ADGRB3: variants seen among roughly 807,000 people sequenced by gnomAD.
ADGRB3 encodes brain-specific angiogenesis inhibitor 3.
ADGRB3 carries 37 observed loss-of-function variants against 193.4 expected under a neutral mutation model. The ratio of observed to expected loss-of-function variants is 0.19; its 90% confidence interval spans 0.15 to 0.25. The LOEUF (loss-of-function observed/expected upper bound fraction) is 0.25, where lower values mean the gene tolerates loss of function less well. Ranked by LOEUF, ADGRB3 falls within the 10% of genes least tolerant of loss-of-function variation. The pLI, the probability that ADGRB3 is intolerant of heterozygous loss-of-function variation, is 1.00. For missense variants in ADGRB3, 1,637 were observed against 1,852.9 expected, an observed-to-expected ratio of 0.88 and a Z score of 2.14; for synonymous variants, 690 against 644.2, an observed-to-expected ratio of 1.07 and a Z score of -1.08.
intron 3 of ADGRB3, among the ~76,000 whole-genome samples, chr6:68,650,503 A>C (rs1442365235): frequency 6.6e-6 from 1 of 152,156 alleles, no homozygotes; most frequent in Non-Finnish European, 1.5e-5. Flanking sequence ...AATTACTTCA[A>C]GGCTCCCATA....
chr6:69,195,153 T>A (rs1246495521), intron 17 of ADGRB3, among the ~76,000 whole-genome samples: 3 of 152,114 alleles, frequency 2.0e-5, no homozygotes, highest in Non-Finnish European at 4.4e-5. Flanking sequence ...AATATCAGAT[T>A]TGAATTCTTC....
At chr6:69,351,315 G>A (rs894922385) in intron 26 of ADGRB3, among the ~76,000 whole-genome samples, 19 of 151,124 alleles carry the variant, frequency 1.3e-4, no homozygotes, top group African/African-American at 2.9e-4. Context: ...GGCTGGTCTC[G>A]AACTCCTGAC....
chr6:68,660,461 A>G (rs969147030), intron 3 of ADGRB3, among the ~76,000 whole-genome samples: 2 of 150,950 alleles, frequency 1.3e-5, no homozygotes, highest in East Asian at 1.9e-4. Context: ...TAATCATTAT[A>G]CACACAATTA....
intron 17 of ADGRB3, among the ~76,000 whole-genome samples, chr6:69,131,656 T>C (rs1774013617): frequency 6.6e-6 from 1 of 152,100 alleles, no homozygotes; most frequent in Admixed American, 6.6e-5. Context: ...CTTTAAGTTC[T>C]GGGATACATG....
Position 68,639,711 on chromosome 6 carries a change from G to C in ADGRB3, c.757+279G>C, listed in dbSNP as rs375440091. 3.3e-5 allele frequency among the ~76,000 whole-genome samples: 5 copies of C among 152,258 alleles called. No homozygotes were observed. The East Asian group carries it at 5.8e-4, about 18-fold the overall frequency. Reference sequence around the variant, plus strand: ...AGAAACCTAGAGCCAGCATGCACTAGAGATTGGTGAGGAGGGAGAGGGGTT... The same window carrying C: ...AGAAACCTAGAGCCAGCATGCACTACAGATTGGTGAGGAGGGAGAGGGGTT... On this transcript the variant is annotated intron_variant, in intron 3 of 31. Transcript: ENST00000370598.
intron 11 of ADGRB3, among the ~76,000 whole-genome samples, chr6:69,011,188 G>A (rs1562120960): frequency 6.7e-6 from 1 of 149,528 alleles, no homozygotes; most frequent in Admixed American, 6.7e-5. Flanking sequence ...TTCTATATGT[G>A]TGAGACAAGT....
intron 3 of ADGRB3, among the ~76,000 whole-genome samples, chr6:68,830,447 T>C (rs1404930279): frequency 6.6e-6 from 1 of 152,176 alleles, no homozygotes; most frequent in African/African-American, 2.4e-5. Context: ...TTCTTTCTTC[T>C]ATATATTATT....
chr6:68,982,515 C>T (rs933169743), intron 10 of ADGRB3, among the ~76,000 whole-genome samples: 1 of 152,154 alleles, frequency 6.6e-6, no homozygotes. Context: ...TTCAGCTCAG[C>T]CTTCAGAAGT....
At chr6:68,702,837 A>T (rs897297357) in intron 3 of ADGRB3, among the ~76,000 whole-genome samples, 1 of 152,188 alleles carries the variant, frequency 6.6e-6, no homozygotes, top group Non-Finnish European at 1.5e-5. Flanking sequence ...ACCCTGGCTG[A>T]TACATTCGAC....
At chr6:68,936,417 C>T (rs113065986) in intron 4 of ADGRB3, 102 bp from the exon 5 acceptor site, 1 of 1,193,824 alleles carries the variant, frequency 8.4e-7, no homozygotes, top group Non-Finnish European at 1.2e-6. Context: ...CATATTTTTA[C>T]ATTTAAATTA....
intron 11 of ADGRB3, among the ~76,000 whole-genome samples, chr6:69,008,033 A>G (rs988813239): frequency 2.0e-5 from 3 of 152,068 alleles, no homozygotes; most frequent in African/African-American, 4.8e-5. Flanking sequence ...ACACCGCAGG[A>G]AGCTTCTTTT....
intron 3 of ADGRB3, among the ~76,000 whole-genome samples, chr6:68,870,187 C>T (rs1261640516): frequency 1.3e-5 from 2 of 152,152 alleles, no homozygotes; most frequent in Non-Finnish European, 2.9e-5. Flanking sequence ...CATTATTTCG[C>T]ATGAAGACTG....
intron 17 of ADGRB3, among the ~76,000 whole-genome samples, chr6:69,223,340 T>C (rs1053409365): frequency 2.6e-5 from 4 of 152,136 alleles, no homozygotes; most frequent in African/African-American, 4.8e-5. Context: ...ATCCCAGAAC[T>C]AATGAAGCAG....
chr6:68,695,748 G>A (rs947141094), intron 3 of ADGRB3, among the ~76,000 whole-genome samples: 3 of 152,004 alleles, frequency 2.0e-5, no homozygotes, highest in East Asian at 3.9e-4. Flanking sequence ...CTCCCAATCT[G>A]ACTGCTACCT....
chr6:68,899,911 C>T (rs571878548), intron 3 of ADGRB3, among the ~76,000 whole-genome samples: 1 of 152,036 alleles, frequency 6.6e-6, no homozygotes, highest in East Asian at 1.9e-4. Flanking sequence ...CTAATGAATT[C>T]ATATTTTAAA....
chr6:69,251,755 A>T (rs60828937), intron 20 of ADGRB3, among the ~76,000 whole-genome samples: 3 of 152,186 alleles, frequency 2.0e-5, no homozygotes, highest in South Asian at 2.1e-4. Flanking sequence ...ATTACCTGAC[A>T]TAGCTACCCT....
chr6:69,278,862 A>G (rs1159619789), intron 20 of ADGRB3, among the ~76,000 whole-genome samples: 1 of 151,844 alleles, frequency 6.6e-6, no homozygotes, highest in Non-Finnish European at 1.5e-5. Flanking sequence ...TACATAACCA[A>G]TACCTGGCAT....
chr6:68,702,427 C>G (rs1765256377), intron 3 of ADGRB3, among the ~76,000 whole-genome samples: 1 of 152,104 alleles, frequency 6.6e-6, no homozygotes, highest in African/African-American at 2.4e-5. Context: ...GACACAGATC[C>G]AAACCGTATC....
At chr6:69,230,223 CAGTT>C (rs1315676199) in intron 17 of ADGRB3, among the ~76,000 whole-genome samples, 2 of 152,154 alleles carry the variant, frequency 1.3e-5, no homozygotes, top group South Asian at 4.1e-4. Flanking sequence ...CTGATATCAT[CAGTT>C]ATTCTTATAT....
Sources: allele counts gnomAD v4.1 joint callset (sites outside exome capture counted in the v4.1 genomes callset), GRCh38; gene constraint gnomAD v4.1.1; transcripts MANE v1.5; gene names NCBI Gene and HGNC (gene_info 2026-07-23, HGNC 2026-07-21).